Variants in CCDC85A observed in about 807,000 individuals in gnomAD.
CCDC85A encodes the protein coiled-coil domain-containing protein 85A.
In CCDC85A, 38 loss-of-function variants were observed where a neutral mutation model predicts 50.2. The ratio of observed to expected loss-of-function variants is 0.76; its 90% CI spans 0.58 to 0.99. CCDC85A has a LOEUF of 0.99. Ranked by LOEUF, CCDC85A falls within the 50% of genes least tolerant of loss-of-function variation. The probability of loss-of-function intolerance (pLI) is 0.00; values close to 1 mark genes in which losing one functional copy is unlikely to be tolerated. For missense variants in CCDC85A, 820 were observed against 742.0 expected (o/e 1.11, Z -1.22); for synonymous variants, 366 against 301.4 (o/e 1.21, Z -2.22).
At chr2:56,205,853 G>A (rs1676937589) in intron 2 of CCDC85A, among the ~76,000 whole-genome samples, 1 of 152,122 alleles carries the variant, frequency 6.6e-6, no homozygotes, top group African/African-American at 2.4e-5. Context: ...TAACAATAAA[G>A]ATGTATGGTT....
chr2:56,251,796 G>T (rs1286587939), intron 2 of CCDC85A, among the ~76,000 whole-genome samples: 1 of 151,994 alleles, frequency 6.6e-6, no homozygotes, highest in Admixed American at 6.6e-5. Context: ...AAGCTCTGCT[G>T]CACTACTCCA....
chr2:56,299,869 G>A (rs1672122057), intron 2 of CCDC85A, among the ~76,000 whole-genome samples: 1 of 152,144 alleles, frequency 6.6e-6, no homozygotes. Context: ...GTATGAAAAA[G>A]TCTGACATGG....
At chr2:56,331,082 A>G (rs1292325653) in intron 2 of CCDC85A, among the ~76,000 whole-genome samples, 2 of 152,238 alleles carry the variant, frequency 1.3e-5, no homozygotes, top group East Asian at 3.8e-4. Flanking sequence ...TTGCAGCAAC[A>G]TGGATGGAAC....
At chr2:56,302,720 C>A (rs1672265309) in intron 2 of CCDC85A, among the ~76,000 whole-genome samples, 1 of 152,146 alleles carries the variant, frequency 6.6e-6, no homozygotes, top group Admixed American at 6.6e-5. Flanking sequence ...CTCATTTTTA[C>A]AAATATCTAA....
intron 2 of CCDC85A, among the ~76,000 whole-genome samples, chr2:56,260,860 GTC>G (rs1018771935): frequency 2.6e-5 from 4 of 152,152 alleles, no homozygotes; most frequent in African/African-American, 9.7e-5. Context: ...AGCCAGAATT[GTC>G]TCTCTATTGC....
intron 2 of CCDC85A, among the ~76,000 whole-genome samples, chr2:56,247,700 A>T (rs1573096014): frequency 6.6e-6 from 1 of 152,218 alleles, no homozygotes; most frequent in Non-Finnish European, 1.5e-5. Context: ...AAAAAACATA[A>T]ACCTGTAAAA....
At position 56,184,734 on chromosome 2, in the gene CCDC85A, C is replaced by T. The variant is rs1572990153; in HGVS notation, c.110C>T (p.Ser37Phe). Residue 37 changes from serine (S) to phenylalanine (F), a missense_variant, in exon 1 of 6, where the codon TCC becomes TTC. Ser to Phe is a radical substitution (Grantham distance 155). Coordinates refer to ENST00000407595, the MANE Select transcript of CCDC85A (RefSeq NM_001080433.2). Reference sequence around the variant, plus strand: ...CCGCCCGCGCCGGTGGAGGACCTGTCCAAAGTGTCGGACGAGGAGCTGCTG... The same window carrying T: ...CCGCCCGCGCCGGTGGAGGACCTGTTCAAAGTGTCGGACGAGGAGCTGCTG... ...AAPPAPVEDL[S>F]KVSDEELLQW... 1 of 1,542,486 alleles carries T rather than the reference C, an allele frequency of 6.5e-7. No homozygotes were observed. The highest frequency in any genetic ancestry group is 2.0e-4 in the Middle Eastern group (1 of 4,882).
intron 2 of CCDC85A, among the ~76,000 whole-genome samples, chr2:56,293,191 C>G (rs556035324): frequency 4.5e-4 from 69 of 152,292 alleles, no homozygotes; most frequent in African/African-American, 1.7e-3. Context: ...TTACAACATT[C>G]TAGGCTGGAG....
chr2:56,274,727 G>A (rs774879435), intron 2 of CCDC85A, among the ~76,000 whole-genome samples: 9 of 152,150 alleles, frequency 5.9e-5, no homozygotes, highest in East Asian at 3.9e-4. Flanking sequence ...TCTATTAAGC[G>A]TAAGCTATGT....
intron 2 of CCDC85A, among the ~76,000 whole-genome samples, chr2:56,258,702 T>G (rs982558224): frequency 6.6e-6 from 1 of 152,220 alleles, no homozygotes; most frequent in Non-Finnish European, 1.5e-5. Flanking sequence ...AGTAGTTACC[T>G]CATAAAGTTA....
chr2:56,237,288 C>G (rs1042308111), intron 2 of CCDC85A, among the ~76,000 whole-genome samples: 1 of 152,154 alleles, frequency 6.6e-6, no homozygotes, highest in Admixed American at 6.5e-5. Context: ...TAGTAATTCA[C>G]CAAGATTATC....
At chr2:56,360,439 T>A (rs1469084784) in intron 3 of CCDC85A, among the ~76,000 whole-genome samples, 1 of 152,242 alleles carries the variant, frequency 6.6e-6, no homozygotes, top group Non-Finnish European at 1.5e-5. Flanking sequence ...GCTTTTCATT[T>A]TTTTTTTAAA....
chr2:56,372,366 C>T lies in CCDC85A; in HGVS notation c.1340C>T (p.Pro447Leu), dbSNP rs753335865. ...AAGGCCAGCCAGAATAGAAGGCAAC[C>T]TCCAACTAGAAACAGCTCAAATATG... Reference protein sequence around the residue: ...LPQASQNRRQPPTRNSSNMEK... With the variant: ...LPQASQNRRQLPTRNSSNMEK... The change falls in exon 4 of 6, where the codon CCT becomes CTT. Residue 447 changes from proline to leucine, a missense_variant. Physicochemically the swap from Pro to Leu is moderately conservative, Grantham distance 98. Coordinates refer to ENST00000407595, the MANE Select transcript of CCDC85A (RefSeq NM_001080433.2). 1 of 1,586,066 alleles carries T rather than the reference C, an allele frequency of 6.3e-7. No homozygotes were observed. The highest frequency in any genetic ancestry group is 1.3e-5 in the African/African-American group (1 of 74,248).
chr2:56,206,399 C>A (rs1676960745), intron 2 of CCDC85A, among the ~76,000 whole-genome samples: 1 of 152,046 alleles, frequency 6.6e-6, no homozygotes, highest in Admixed American at 6.6e-5. Context: ...ATACCACAGA[C>A]TGGATAATTA....
intron 2 of CCDC85A, among the ~76,000 whole-genome samples, chr2:56,208,753 C>T (rs1345073883): frequency 1.3e-5 from 2 of 152,054 alleles, no homozygotes; most frequent in Non-Finnish European, 2.9e-5. Flanking sequence ...GCAGGCACAG[C>T]AAAAGGAACA....
In CCDC85A at chr2:56,343,852, C is replaced by G. The variant is rs114049493; in HGVS notation, c.1317+897C>G. On this transcript the variant is annotated intron_variant, in intron 3 of 5. Transcript: ENST00000407595. ...AAAAGGTCAAAGACTAACCAATCTT[C>G]AGGTTGGTATTTCAGGAGAAGAAAT... Among the ~76,000 whole-genome samples, 306 of 152,296 alleles carry G rather than the reference C, an allele frequency of 2.0e-3. 2 individuals carry two copies. Among genetic ancestry groups the G allele is most frequent in the African/African-American group, 6.7e-3 (280 of 41,558 alleles).
intron 3 of CCDC85A, among the ~76,000 whole-genome samples, chr2:56,372,027 T>C (rs1421424734): frequency 6.6e-6 from 1 of 152,224 alleles, no homozygotes; most frequent in East Asian, 1.9e-4. Flanking sequence ...TATTATTTTA[T>C]GCTGGTAAAA....
intron 2 of CCDC85A, among the ~76,000 whole-genome samples, chr2:56,302,868 T>C (rs542976533): frequency 6.6e-6 from 1 of 152,324 alleles, no homozygotes; most frequent in South Asian, 2.1e-4. Context: ...CACAATTTCT[T>C]CTTTTTCATC....
intron 2 of CCDC85A, among the ~76,000 whole-genome samples, chr2:56,257,696 T>C (rs1222374478): frequency 6.6e-6 from 1 of 152,154 alleles, no homozygotes; most frequent in East Asian, 1.9e-4. Context: ...TCAGGTGTTT[T>C]TTCAGGTATC....
Sources: gnomAD v4.1 joint callset for allele counts (sites outside exome capture counted in the v4.1 genomes callset) on GRCh38, gnomAD v4.1.1 for gene constraint, MANE v1.5 for transcripts, NCBI Gene and HGNC (gene_info 2026-07-23, HGNC 2026-07-21) for gene names.